The following EXT2 variants were observed in gnomAD, a reference collection of about 807,000 sequenced individuals.
The protein encoded by EXT2 is exostosin-2.
In EXT2, 53 loss-of-function variants were observed where a neutral mutation model predicts 81.6. The observed-to-expected ratio is 0.65, with a 90% CI of 0.52 to 0.82. The LOEUF (loss-of-function observed/expected upper bound fraction) is 0.82, where lower values mean the gene tolerates loss of function less well. Ranked by LOEUF, EXT2 falls within the 40% of genes least tolerant of loss-of-function variation. The pLI is 0.00. For synonymous variants in EXT2, 320 were observed against 340.0 expected, an observed-to-expected ratio of 0.94 and a Z score of 0.65; for missense variants, 774 against 910.2, an observed-to-expected ratio of 0.85 and a Z score of 1.93.
chr11:44,250,545 G>A lies in EXT2; in HGVS notation c.*6258G>A, dbSNP rs577873958. On this transcript the variant is annotated 3_prime_UTR_variant, in exon 14 of 14. Coordinates refer to ENST00000533608, the MANE Select transcript of EXT2 (RefSeq NM_207122.2). ...TACCGTGTTACCAGAGAGCCTGGGG[G>A]TCTGGATCCTATCTGGCCCCGTCAG... 6.6e-6 allele frequency among the ~76,000 whole-genome samples: 1 copy of A among 152,350 alleles called. No individual in the cohort carries two copies. The highest frequency in any genetic ancestry group is 2.1e-4 in the South Asian group (1 of 4,820).
In EXT2 at chr11:44,247,578, A is replaced by G. The variant is rs76106878; in HGVS notation, c.*3291A>G. ...CTGTATCCTTTACTCAGTGTCATCA[A>G]GTTCAAAGCTCTGACCACCCTGGTT... On this transcript the variant is annotated 3_prime_UTR_variant, in exon 14 of 14. Transcript: ENST00000533608. Among the ~76,000 whole-genome samples the G allele has an allele frequency of 4.9e-3, 752 of 152,244 alleles. 7 individuals are homozygous for G. Among genetic ancestry groups the G allele is most frequent in the African/African-American group, 0.018 (728 of 41,540 alleles).
At chr11:44,124,737 T>G in intron 4 of EXT2, 52 bp from the exon 5 acceptor site, 1 of 1,541,114 alleles carries the variant, frequency 6.5e-7, no homozygotes, top group South Asian at 1.1e-5. Context: ...TGTCTTACCT[T>G]GACTAACATA....
intron 8 of EXT2, among the ~76,000 whole-genome samples, chr11:44,181,134 T>G (rs952635598): frequency 1.3e-5 from 2 of 152,148 alleles, no homozygotes; most frequent in Admixed American, 6.5e-5. Flanking sequence ...CTGTTACACT[T>G]GTGATTAATA....
chr11:44,215,651 G>A (rs575930256), intron 10 of EXT2, among the ~76,000 whole-genome samples: 1 of 152,270 alleles, frequency 6.6e-6, no homozygotes, highest in Non-Finnish European at 1.5e-5. Context: ...CCCCTTGCTT[G>A]TTCTCTGAAA....
At chr11:44,150,388 G>A (rs561849742) in intron 7 of EXT2, among the ~76,000 whole-genome samples, 3 of 152,228 alleles carry the variant, frequency 2.0e-5, no homozygotes, top group East Asian at 3.9e-4. Flanking sequence ...ACAACCCATC[G>A]TGGATTCTAC....
chr11:44,126,141 G>GT (rs1395516542), intron 5 of EXT2, among the ~76,000 whole-genome samples: 1 of 152,186 alleles, frequency 6.6e-6, no homozygotes, highest in African/African-American at 2.4e-5. Flanking sequence ...TATTGCAGCT[G>GT]TTTTTTCTGT....
intron 4 of EXT2, among the ~76,000 whole-genome samples, chr11:44,118,722 A>G (rs556657800): frequency 2.8e-4 from 42 of 152,282 alleles, no homozygotes; most frequent in African/African-American, 9.6e-4. Context: ...TTTCGAGGTT[A>G]GATTTTCATA....
At chr11:44,228,260 GCA>G (rs1955859961) in intron 10 of EXT2, among the ~76,000 whole-genome samples, 1 of 152,182 alleles carries the variant, frequency 6.6e-6, no homozygotes, top group Non-Finnish European at 1.5e-5. Context: ...AACTGTGGAA[GCA>G]CTGTTACTGG....
intron 8 of EXT2, among the ~76,000 whole-genome samples, chr11:44,185,910 G>A (rs1235576739): frequency 6.6e-6 from 1 of 152,242 alleles, no homozygotes; most frequent in African/African-American, 2.4e-5. Flanking sequence ...AGCATTTCAA[G>A]TATGGGAGAA....
intron 7 of EXT2, among the ~76,000 whole-genome samples, chr11:44,158,527 T>A (rs1466585578): frequency 2.0e-5 from 3 of 151,442 alleles, no homozygotes; most frequent in South Asian, 2.1e-4. Context: ...GAATTGAAAA[T>A]TTTTAATTTT....
intron 1 of EXT2, chr11:44,096,246 C>A: frequency 1.3e-6 from 2 of 1,536,022 alleles, no homozygotes; most frequent in Non-Finnish European, 1.7e-6. Context: ...TGATTCCTCC[C>A]AGGGGGATGT....
At chr11:44,215,447 G>A (rs1016406923) in intron 10 of EXT2, among the ~76,000 whole-genome samples, 1 of 151,988 alleles carries the variant, frequency 6.6e-6, no homozygotes, top group African/African-American at 2.4e-5. Flanking sequence ...ATTCTACTGT[G>A]GTCAGAAAAT....
At chr11:44,152,919 A>T (rs917136359) in intron 7 of EXT2, among the ~76,000 whole-genome samples, 15 of 152,178 alleles carry the variant, frequency 9.9e-5, no homozygotes, top group Non-Finnish European at 2.2e-4. Context: ...CACTGTCTTG[A>T]TGACTGTAGC....
At chr11:44,152,604 C>A (rs1371655981) in intron 7 of EXT2, among the ~76,000 whole-genome samples, 1 of 152,100 alleles carries the variant, frequency 6.6e-6, no homozygotes, top group Non-Finnish European at 1.5e-5. Flanking sequence ...GCCCTCCTCG[C>A]CTTCCCAAAG....
chr11:44,096,505 CG>C (rs1390405447), intron 1 of EXT2, among the ~76,000 whole-genome samples: 3 of 151,210 alleles, frequency 2.0e-5, no homozygotes, highest in Non-Finnish European at 2.9e-5. Flanking sequence ...ACTGGGTGGC[CG>C]GGGGCCTGTC....
chr11:44,171,330 A>G (rs1332197319), intron 7 of EXT2, among the ~76,000 whole-genome samples: 1 of 152,258 alleles, frequency 6.6e-6, no homozygotes, highest in East Asian at 1.9e-4. Context: ...AAACTCTGCC[A>G]TAACACATGG....
chr11:44,157,311 C>A (rs572497904), intron 7 of EXT2, among the ~76,000 whole-genome samples: 1 of 152,204 alleles, frequency 6.6e-6, no homozygotes, highest in Non-Finnish European at 1.5e-5. Context: ...ATGTCCTCTG[C>A]AGGACAGCAG....
intron 10 of EXT2, among the ~76,000 whole-genome samples, chr11:44,228,506 C>T (rs1284442027): frequency 6.6e-6 from 1 of 152,156 alleles, no homozygotes; most frequent in Non-Finnish European, 1.5e-5. Context: ...CACTAGGGCT[C>T]AATTAGAGAG....
At chr11:44,145,703 A>G (rs1026905190) in intron 7 of EXT2, among the ~76,000 whole-genome samples, 37 of 152,340 alleles carry the variant, frequency 2.4e-4, no homozygotes, top group African/African-American at 8.7e-4. Flanking sequence ...AACTTAAGTG[A>G]CAGATTCAAG....
Sources: gnomAD v4.1 joint callset for allele counts (sites outside exome capture counted in the v4.1 genomes callset) on GRCh38, gnomAD v4.1.1 for gene constraint, MANE v1.5 for transcripts, NCBI Gene and HGNC (gene_info 2026-07-23, HGNC 2026-07-21) for gene names.